Variants in MRPL45 observed in about 807,000 individuals in gnomAD.
MRPL45 encodes large ribosomal subunit protein mL45.
In MRPL45, 20 loss-of-function variants were observed where a neutral mutation model predicts 38.1. That is an observed-to-expected ratio of 0.53 (90% CI 0.37 to 0.76). The LOEUF (loss-of-function observed/expected upper bound fraction) is 0.76. Among genes scored for constraint, MRPL45 ranks in the 30% least tolerant of loss-of-function variants. MRPL45 has a pLI of 0.00. For missense variants in MRPL45, 337 were observed against 395.6 expected (o/e 0.85, Z 1.26); for synonymous variants, 105 against 128.8 (o/e 0.82, Z 1.25).
At chr17:38,302,521 T>C (rs1190835957) in intron 3 of MRPL45, among the ~76,000 whole-genome samples, 1 of 147,042 alleles carries the variant, frequency 6.8e-6, no homozygotes, top group African/African-American at 2.5e-5. Context: ...TTTTTTTTTT[T>C]TTTTTTTAGA....
Position 38,320,729 on chromosome 17 carries a change from G to C in MRPL45, c.622G>C (p.Val208Leu). Residue 208 changes from valine (V) to leucine (L), a missense_variant, in exon 6 of 8, where the codon GTG becomes CTG. Val to Leu is a conservative substitution (Grantham distance 32). This residue lies in a region of MRPL45 where 251 missense variants were observed against 269.1 expected (regional missense o/e 0.93). Transcript: ENST00000613675. Reference protein sequence around the residue: ...RCSSMMNQGNVYGQITVRMHT... With the variant: ...RCSSMMNQGNLYGQITVRMHT... ...TTCAAGTATGATGAACCAGGGCAAC[G>C]TGTACGGCCAGATCACCGTACGCAT... is the stretch of plus-strand genomic sequence containing the variant. 1 of 1,614,142 alleles carries C rather than the reference G, an allele frequency of 6.2e-7. No individual in the cohort carries two copies. The highest frequency in any genetic ancestry group is 2.2e-5 in the East Asian group (1 of 44,890).
intron 2 of MRPL45, 77 bp from the exon 3 acceptor site, chr17:38,299,274 A>ATT: frequency 1.0e-6 from 1 of 970,986 alleles, no homozygotes; most frequent in Non-Finnish European, 1.5e-6. Context: ...ATCCTTCCCA[A>ATT]TTTTACATTA....
intron 4 of MRPL45, among the ~76,000 whole-genome samples, chr17:38,311,694 A>G (rs2144222560): frequency 6.6e-6 from 1 of 151,662 alleles, no homozygotes; most frequent in African/African-American, 2.4e-5. Flanking sequence ...CAAAAAAAAA[A>G]AAAAAAAAAA....
At chr17:38,321,780 C>T (rs927502826) in intron 6 of MRPL45, among the ~76,000 whole-genome samples, 1 of 152,050 alleles carries the variant, frequency 6.6e-6, no homozygotes, top group Non-Finnish European at 1.5e-5. Context: ...CCTGTAATCC[C>T]AGCACTTTGA....
rs2037198133 is a variant in MRPL45 at position 38,318,654 on chromosome 17, A to G, written c.462-33A>G. 4.0e-6 allele frequency: 6 copies of G among 1,510,982 alleles called. No homozygotes were observed. The South Asian group carries it at 4.5e-5, about 11-fold the overall frequency. 93.6% of individuals were successfully genotyped at this position (1,510,982 alleles called of 1,614,324 possible). ...CTTCATACAGGGTATTATAAGAGCAATAGTCAATGATATTTATTGCTTTCT... is the reference window on the plus strand; with the variant it reads ...CTTCATACAGGGTATTATAAGAGCAGTAGTCAATGATATTTATTGCTTTCT... On this transcript the variant is annotated intron_variant, in intron 4 of 7. Coordinates refer to ENST00000613675, the MANE Select transcript of MRPL45 (RefSeq NM_032351.6).
chr17:38,310,889 A>G (rs1358238606), intron 4 of MRPL45, among the ~76,000 whole-genome samples: 1 of 152,208 alleles, frequency 6.6e-6, no homozygotes, highest in Non-Finnish European at 1.5e-5. Context: ...AAGTGTTGGT[A>G]CAGTTTTCTT....
chr17:38,302,303 A>G (rs1226873854), intron 3 of MRPL45, among the ~76,000 whole-genome samples: 1 of 151,406 alleles, frequency 6.6e-6, no homozygotes, highest in Non-Finnish European at 1.5e-5. Context: ...CCTGGCCAAC[A>G]TGGTGAGATC....
intron 3 of MRPL45, among the ~76,000 whole-genome samples, chr17:38,300,327 T>A (rs542870311): frequency 7.2e-6 from 1 of 139,610 alleles, no homozygotes; most frequent in East Asian, 1.9e-4. Flanking sequence ...ACCTGGCTAA[T>A]TTTTAAAAGA....
intron 4 of MRPL45, among the ~76,000 whole-genome samples, chr17:38,317,434 G>A (rs924591712): frequency 1.3e-5 from 2 of 152,164 alleles, no homozygotes; most frequent in East Asian, 1.9e-4. Flanking sequence ...ACTGCTCATA[G>A]TAAACTGGGG....
chr17:38,303,188 C>A (rs1448312645), intron 3 of MRPL45, among the ~76,000 whole-genome samples: 4 of 151,658 alleles, frequency 2.6e-5, no homozygotes, highest in Non-Finnish European at 5.9e-5. Context: ...TTCTTTCCTG[C>A]ATAATATATT....
At chr17:38,315,645 T>C (rs1008740528) in intron 4 of MRPL45, among the ~76,000 whole-genome samples, 2 of 152,132 alleles carry the variant, frequency 1.3e-5, no homozygotes, top group African/African-American at 4.8e-5. Flanking sequence ...TATGAATTTC[T>C]TTCAGTTTAT....
At position 38,318,735 on chromosome 17, in the gene MRPL45, A is replaced by G; in HGVS notation, c.510A>G (p.Pro170=). 1.2e-6 allele frequency: 2 copies of G among 1,606,182 alleles called. No individual in the cohort carries two copies. The highest frequency in any genetic ancestry group is 1.3e-5 in the African/African-American group (1 of 74,684). The stretch of plus-strand genomic sequence containing the variant: ...CCTTGGTAACTGAACACTGTTTTCC[A>G]GTAAGTTCTCATCCTCCTTAGAACT... ...LHTLVTEHCF[P]DMTWDIKYKT... Residue 170 remains proline, a splice_region_variant and synonymous_variant, in exon 5 of 8, where the codon CCA becomes CCG. Coordinates refer to ENST00000613675, the MANE Select transcript of MRPL45 (RefSeq NM_032351.6).
intron 3 of MRPL45, 72 bp downstream of exon 3, chr17:38,299,540 C>T (rs1167760673): frequency 1.0e-5 from 13 of 1,302,208 alleles, no homozygotes; most frequent in African/African-American, 1.6e-5. Context: ...CCCAAAGAGA[C>T]CTTTTTGGGT....
chr17:38,307,174 C>T (rs1200510279), intron 4 of MRPL45, among the ~76,000 whole-genome samples: 1 of 152,032 alleles, frequency 6.6e-6, no homozygotes, highest in Non-Finnish European at 1.5e-5. Flanking sequence ...GCTGGGATTA[C>T]AGGTGCACGC....
chr17:38,314,332 G>C (rs936629107), intron 4 of MRPL45, among the ~76,000 whole-genome samples: 24 of 152,054 alleles, frequency 1.6e-4, no homozygotes, highest in African/African-American at 5.8e-4. Context: ...TTGAATTCCC[G>C]ACCTCGGGTG....
chr17:38,319,343 T>C (rs1175660210), intron 5 of MRPL45, among the ~76,000 whole-genome samples: 1 of 152,018 alleles, frequency 6.6e-6, no homozygotes, highest in South Asian at 2.1e-4. Flanking sequence ...CCTAATTTTG[T>C]ATTTTTAGTA....
intron 4 of MRPL45, 23 bp downstream of exon 4, chr17:38,306,654 C>T (rs2037058468): frequency 1.2e-6 from 2 of 1,613,082 alleles, no homozygotes; most frequent in South Asian, 2.2e-5. Flanking sequence ...CCTATCTTTA[C>T]CCATTCTGTT....
intron 4 of MRPL45, among the ~76,000 whole-genome samples, chr17:38,315,930 C>T (rs751297459): frequency 2.0e-5 from 3 of 151,918 alleles, no homozygotes; most frequent in African/African-American, 4.8e-5. Flanking sequence ...TTGCCACCCA[C>T]ACCTGGCTAA....
At chr17:38,320,818 G>A (rs776321074) in intron 6 of MRPL45, 51 bp downstream of exon 6, 4 of 1,597,144 alleles carry the variant, frequency 2.5e-6, no homozygotes, top group Non-Finnish European at 3.4e-6. Flanking sequence ...TCTGAGCTTG[G>A]GCACCTCCCT....
Sources: allele counts gnomAD v4.1 joint callset (sites outside exome capture counted in the v4.1 genomes callset), GRCh38; gene constraint gnomAD v4.1.1; regional missense constraint gnomAD v4.1.1; transcripts MANE v1.5; gene names NCBI Gene and HGNC (gene_info 2026-07-23, HGNC 2026-07-21).